Variants in FRMD4B observed in about 807,000 individuals in gnomAD.
FRMD4B encodes the protein FERM domain-containing protein 4B.
Under a neutral mutation model 141.5 loss-of-function variants are expected in FRMD4B, and 74 were observed. The ratio of observed to expected loss-of-function variants is 0.52; its 90% CI spans 0.43 to 0.63. FRMD4B has a LOEUF of 0.63. Among genes scored for constraint, FRMD4B ranks in the 30% least tolerant of loss-of-function variants. The pLI is 0.00. For missense variants in FRMD4B, 1,366 were observed against 1,253.4 expected, an observed-to-expected ratio of 1.09 and a Z score of -1.36; for synonymous variants, 506 against 467.9, an observed-to-expected ratio of 1.08 and a Z score of -1.05.
At chr3:69,416,733 G>C (rs1295815866) in intron 2 of FRMD4B, among the ~76,000 whole-genome samples, 1 of 152,116 alleles carries the variant, frequency 6.6e-6, no homozygotes, top group South Asian at 2.1e-4. Context: ...CCAGGTGTGT[G>C]ATGTTCCCTT....
At chr3:69,200,567 C>T (rs955762199) in intron 11 of FRMD4B, 2 of 1,135,242 alleles carry the variant, frequency 1.8e-6, no homozygotes, top group Non-Finnish European at 2.2e-6. Flanking sequence ...GAGCCTCCCA[C>T]GGCTGACACA....
intron 1 of FRMD4B, among the ~76,000 whole-genome samples, chr3:69,338,834 G>A (rs959015169): frequency 2.6e-5 from 4 of 152,004 alleles, no homozygotes; most frequent in African/African-American, 9.7e-5. Context: ...CCCTGAAACT[G>A]AAATAAAAGT....
intron 5 of FRMD4B, among the ~76,000 whole-genome samples, chr3:69,268,539 A>T (rs533954856): frequency 1.3e-5 from 2 of 152,046 alleles, no homozygotes; most frequent in Non-Finnish European, 2.9e-5. Flanking sequence ...CCAATGTACA[A>T]TGACAATTTG....
intron 1 of FRMD4B, among the ~76,000 whole-genome samples, chr3:69,437,297 C>G (rs546934278): frequency 8.6e-5 from 13 of 151,866 alleles, no homozygotes; most frequent in Non-Finnish European, 1.8e-4. Flanking sequence ...GTCTGGAACT[C>G]CTAGGCTCAA....
At chr3:69,491,956 T>C (rs970753661) in intron 1 of FRMD4B, among the ~76,000 whole-genome samples, 1 of 152,212 alleles carries the variant, frequency 6.6e-6, no homozygotes, top group Non-Finnish European at 1.5e-5. Flanking sequence ...TCAGAGATTA[T>C]ACCTAAGCCT....
intron 2 of FRMD4B, among the ~76,000 whole-genome samples, chr3:69,409,604 A>G (rs1487263004): frequency 1.3e-5 from 2 of 152,160 alleles, no homozygotes; most frequent in East Asian, 3.9e-4. Context: ...CACACAACCC[A>G]GGTGCTAACC....
chr3:69,275,812 C>T (rs2093615397), intron 5 of FRMD4B, among the ~76,000 whole-genome samples: 1 of 152,030 alleles, frequency 6.6e-6, no homozygotes, highest in Non-Finnish European at 1.5e-5. Context: ...TGATTTAAAA[C>T]TAATTCAAGC....
At chr3:69,494,821 G>A (rs1290133924) in intron 1 of FRMD4B, among the ~76,000 whole-genome samples, 1 of 151,924 alleles carries the variant, frequency 6.6e-6, no homozygotes, top group Non-Finnish European at 1.5e-5. Context: ...GAACCCGGGA[G>A]GCAGAGGTTG....
chr3:69,328,498 G>T (rs1404087029), intron 1 of FRMD4B, among the ~76,000 whole-genome samples: 1 of 152,160 alleles, frequency 6.6e-6, no homozygotes, highest in African/African-American at 2.4e-5. Context: ...ATAAGGCTGA[G>T]ACCTACTGGG....
rs545997460 is a variant in FRMD4B at position 69,385,715 on chromosome 3, C to T, written c.162+113G>A. On this transcript the variant is annotated intron_variant, in intron 1 of 22. Coordinates refer to ENST00000398540, the MANE Select transcript of FRMD4B (RefSeq NM_015123.3). Reference sequence around the variant, plus strand: ...GCGTTTGACCCAAGGGCCAAGCAGTCTGCTAGGAGTTTAAGAAGAGCTGGG... The same window carrying T: ...GCGTTTGACCCAAGGGCCAAGCAGTTTGCTAGGAGTTTAAGAAGAGCTGGG... 18 of 915,546 alleles carry T rather than the reference C, an allele frequency of 2.0e-5. No homozygotes were observed. The South Asian group carries it at 3.7e-4, about 19-fold the overall frequency. The allele number at this position is 915,546 out of a possible 1,614,324, so 56.7% of individuals were successfully genotyped here.
rs535284913 is a variant in FRMD4B, at chr3:69,523,115, C to A, written c.-129+19091G>T. Among the ~76,000 whole-genome samples the A allele has an allele frequency of 3.7e-3, 470 of 126,240 alleles. 4 individuals carry two copies. Among genetic ancestry groups the A allele is most frequent in the African/African-American group, 0.013 (436 of 33,018 alleles). 82.8% of individuals were successfully genotyped at this position (126,240 alleles called of 152,430 possible). On this transcript the variant is annotated intron_variant, in intron 1 of 5. Coordinates refer to the FRMD4B transcript ENST00000459638. ...ACCACCTGGAGAGGCCATATAATAACAAGTGAAAAAAAAAAAAACAACTAG... is the reference window on the plus strand; with the variant it reads ...ACCACCTGGAGAGGCCATATAATAAAAAGTGAAAAAAAAAAAAACAACTAG...
chr3:69,198,842 A>C, intron 11 of FRMD4B, 68 bp from the exon 12 acceptor site: 1 of 777,684 alleles, frequency 1.3e-6, no homozygotes, highest in South Asian at 1.5e-5. Flanking sequence ...AAATCAGCTT[A>C]ATAATCAAAC....
At chr3:69,297,957 A>G (rs1411146310) in intron 4 of FRMD4B, among the ~76,000 whole-genome samples, 1 of 152,232 alleles carries the variant, frequency 6.6e-6, no homozygotes, top group Non-Finnish European at 1.5e-5. Context: ...GAAGTCATAA[A>G]GGGAACACTA....
chr3:69,439,742 T>C (rs924964646), intron 1 of FRMD4B, among the ~76,000 whole-genome samples: 1 of 152,212 alleles, frequency 6.6e-6, no homozygotes, highest in African/African-American at 2.4e-5. Context: ...CTTTGCCAAG[T>C]CTCATTGTCA....
At chr3:69,332,840 A>C (rs1368088210) in intron 1 of FRMD4B, among the ~76,000 whole-genome samples, 1 of 145,156 alleles carries the variant, frequency 6.9e-6, no homozygotes, top group Non-Finnish European at 1.5e-5. Flanking sequence ...CTCCCGCCTT[A>C]AGCGCTGGGA....
Position 69,182,639 on chromosome 3 carries a change from C to T in FRMD4B, c.1998G>A (p.Thr666=), listed in dbSNP as rs184557227. ...TGTAGGCGTTTCGGGTAAGAACTGG[C>T]GTGGTGGGCATGCTTCGTCCTCCCT... ...RPQGGRSMPT[T]PVLTRNAYSS... Residue 666 remains threonine (T), a synonymous_variant, in exon 20 of 23, where the codon ACG becomes ACA. Coordinates refer to ENST00000398540, the MANE Select transcript of FRMD4B (RefSeq NM_015123.3). 53 of 1,613,698 alleles carry T rather than the reference C, an allele frequency of 3.3e-5. No individual in the cohort carries two copies. In the African/African-American group the frequency reaches 4.3e-4, roughly 13 times the overall value.
chr3:69,455,879 TC>T (rs1705598243), intron 1 of FRMD4B, among the ~76,000 whole-genome samples: 1 of 152,216 alleles, frequency 6.6e-6, no homozygotes, highest in Admixed American at 6.5e-5. Context: ...AGACTTCTAC[TC>T]TAGGTTCAGG....
chr3:69,228,441 T>G (rs1415261826), intron 7 of FRMD4B: 1 of 456,828 alleles, frequency 2.2e-6, no homozygotes, highest in Admixed American at 2.3e-5. Context: ...CACTGAGATA[T>G]GGTGTGAACT....
At chr3:69,482,637 T>C (rs1706146335) in intron 1 of FRMD4B, among the ~76,000 whole-genome samples, 2 of 152,250 alleles carry the variant, frequency 1.3e-5, no homozygotes, top group South Asian at 2.1e-4. Flanking sequence ...AGCTTACTGA[T>C]GCCAATTTCC....
Sources: gnomAD v4.1 joint callset for allele counts (sites outside exome capture counted in the v4.1 genomes callset) on GRCh38, gnomAD v4.1.1 for gene constraint, MANE v1.5 for transcripts, NCBI Gene and HGNC (gene_info 2026-07-23, HGNC 2026-07-21) for gene names.